Variants in CHD8 observed in about 807,000 individuals in gnomAD.
CHD8 encodes the protein chromodomain helicase DNA binding protein 8.
A neutral mutation model predicts 279.2 loss-of-function variants in CHD8; 31 were observed. The observed-to-expected ratio is 0.11, with a 90% confidence interval of 0.08 to 0.15. The LOEUF is 0.15. Ranked by LOEUF, CHD8 falls within the 10% of genes least tolerant of loss-of-function variation. The pLI, the probability that CHD8 is intolerant of heterozygous loss-of-function variation, is 1.00. For synonymous variants in CHD8, 1,081 were observed against 1,139.6 expected, an observed-to-expected ratio of 0.95 and a Z score of 1.04; for missense variants, 2,146 against 3,230.5, an observed-to-expected ratio of 0.66 and a Z score of 8.14.
intron 5 of CHD8, among the ~76,000 whole-genome samples, chr14:21,420,402 G>C (rs998380559): frequency 2.0e-5 from 3 of 152,208 alleles, no homozygotes; most frequent in African/African-American, 7.2e-5. Context: ...TCACCACAGG[G>C]CCAAAGGCGG....
rs372655172 is a variant in CHD8 at position 21,402,093 on chromosome 14, T to C, written c.3926A>G (p.Lys1309Arg). 1.1e-5 allele frequency: 18 copies of C among 1,611,204 alleles called. No individual in the cohort carries two copies. The African/African-American group carries it at 2.1e-4, about 19-fold the overall frequency. ...SKKEIEDLLR[K>R]GAYAAIMEED... is the part of the protein sequence containing the mutation. ...CTCCATGATGGCTGCATATGCTCCT[T>C]TTCTTAAAAGATCTTCAATCTCCTT... Residue 1309 changes from lysine to arginine, a missense_variant, in exon 20 of 38, where the codon AAA (lysine) becomes AGA (arginine). This residue lies in a region of CHD8 where 35 missense variants were observed against 82.4 expected (regional missense o/e 0.42). Transcript: ENST00000646647. The surrounding 1 kb of genome is among the most constrained non-coding windows in gnomAD (Gnocchi z 4.5).
chr14:21,434,063 GAGAC>G (rs1889673628), intron 1 of CHD8, among the ~76,000 whole-genome samples: 1 of 92,542 alleles, frequency 1.1e-5, no homozygotes, highest in Non-Finnish European at 2.1e-5. Context: ...TTTTTTTTCT[GAGAC>G]AGAGTTTCAC....
chr14:21,408,295 C>T lies in CHD8; in HGVS notation c.2730+17G>A. 1 of 1,607,092 alleles carries T rather than the reference C, an allele frequency of 6.2e-7. No homozygotes were observed. On this transcript the variant is annotated intron_variant, in intron 13 of 37. Transcript: ENST00000646647. This position sits in a 1 kb window ranked among gnomAD's most constrained non-coding sequence, Gnocchi z 4.3. The stretch of plus-strand genomic sequence containing the variant: ...GACTTTCTCTAACTCATAGTATTCC[C>T]AAGACATGCAACTCACCCGTGAATC...
chr14:21,425,466 G>A (rs1425242433), intron 5 of CHD8: 1 of 151,372 alleles, frequency 6.6e-6, no homozygotes, highest in Non-Finnish European at 1.5e-5. Flanking sequence ...CTGGGATTAC[G>A]GGTGCCTGCT....
intron 1 of CHD8, among the ~76,000 whole-genome samples, chr14:21,434,978 A>G (rs1415446557): frequency 1.1e-4 from 16 of 152,192 alleles, no homozygotes; most frequent in Admixed American, 1.0e-3. Context: ...CCCTAATAGC[A>G]AAAATGAACA....
At chr14:21,451,289 G>A (rs909503621) in intron 1 of CHD8, among the ~76,000 whole-genome samples, 2 of 152,058 alleles carry the variant, frequency 1.3e-5, no homozygotes, top group African/African-American at 4.8e-5. Context: ...GTAATTATCG[G>A]CTGGGTGCGG....
intron 1 of CHD8, among the ~76,000 whole-genome samples, chr14:21,438,091 G>C (rs60262326): frequency 0.11 from 16,345 of 152,042 alleles, 2,216 homozygotes; most frequent in African/African-American, 0.32. Context: ...GACAGAGTCT[G>C]ACTCTGTCGC....
At chr14:21,441,843 T>A (rs1046707219) in intron 1 of CHD8, among the ~76,000 whole-genome samples, 1 of 151,878 alleles carries the variant, frequency 6.6e-6, no homozygotes, top group African/African-American at 2.4e-5. Context: ...GAGCCAAGAT[T>A]GCGCCACTGC....
chr14:21,424,761 G>GCGCCTGGCCCAGCTCC (rs1286972075), intron 5 of CHD8, among the ~76,000 whole-genome samples: 2 of 152,100 alleles, frequency 1.3e-5, no homozygotes, highest in Admixed American at 6.6e-5. Flanking sequence ...GGGAGCTACC[G>GCGCCTGGCCCAGCTCC]CGCCTGGCCC....
At chr14:21,416,417 A>C (rs1007964339) in intron 5 of CHD8, 1 of 152,202 alleles carries the variant, frequency 6.6e-6, no homozygotes, top group Non-Finnish European at 1.5e-5. Flanking sequence ...CAAGTGGCTG[A>C]ATTAAACATT....
intron 4 of CHD8, chr14:21,427,617 C>G: frequency 6.9e-7 from 1 of 1,452,904 alleles, no homozygotes; most frequent in Non-Finnish European, 9.1e-7. Context: ...TTGCTCTTGC[C>G]CTTTGTTTTG....
At chr14:21,425,942 GAAGAAA>G (rs1202414454) in intron 5 of CHD8, 180 bp downstream of exon 5, 1 of 556,632 alleles carries the variant, frequency 1.8e-6, no homozygotes, top group African/African-American at 1.9e-5. Context: ...GTCTCAAGAA[GAAGAAA>G]ACAACAACAA....
intron 1 of CHD8, among the ~76,000 whole-genome samples, chr14:21,450,339 T>C (rs1428333769): frequency 4.6e-5 from 7 of 152,190 alleles, no homozygotes; most frequent in Non-Finnish European, 4.4e-5. Context: ...ATCACTAATA[T>C]GACAATGTAC....
In CHD8 at chr14:21,393,894, G is replaced by A; in HGVS notation, c.5901C>T (p.Asn1967=). The A allele has an allele frequency of 1.2e-6, 2 of 1,613,986 alleles. No homozygotes were observed. Among genetic ancestry groups the A allele is most frequent in the South Asian group, 1.1e-5 (1 of 91,084 alleles). The part of the protein sequence containing the change: ...FLAARMNYMQ[N]HQAGAPAPSL... ...ATGGAGCTGGTGCTCCTGCTTGATG[G>A]TTCTGCATATAATTCATACGGGCAG... Residue 1967 remains asparagine (N), a synonymous_variant, in exon 32 of 38, where the codon AAC becomes AAT. Coordinates refer to ENST00000646647, the MANE Select transcript of CHD8 (RefSeq NM_001170629.2).
Position 21,403,720 on chromosome 14 carries a change from G to T in CHD8, c.3308-57C>A. The stretch of plus-strand genomic sequence containing the variant: ...TCCAGTGAACCATATTAAGGTTGTA[G>T]TCTATTTAACTAAGAAAGCAAAAGG... On this transcript the variant is annotated intron_variant, in intron 16 of 37. Coordinates refer to ENST00000646647, the MANE Select transcript of CHD8 (RefSeq NM_001170629.2). This position sits in a 1 kb window ranked among gnomAD's most constrained non-coding sequence, Gnocchi z 4.3. 1 of 1,397,758 alleles carries T rather than the reference G, an allele frequency of 7.2e-7. No individual in the cohort carries two copies. 86.6% of individuals were successfully genotyped at this position (1,397,758 alleles called of 1,614,324 possible).
intron 5 of CHD8, among the ~76,000 whole-genome samples, chr14:21,423,051 G>A (rs1280038505): frequency 2.0e-5 from 3 of 151,436 alleles, no homozygotes; most frequent in Admixed American, 6.6e-5. Flanking sequence ...GCGAAACCCT[G>A]TCTACTAAAA....
At chr14:21,415,984 C>A in intron 5 of CHD8, 77 bp from the exon 6 acceptor site, 1 of 1,222,054 alleles carries the variant, frequency 8.2e-7, no homozygotes, top group South Asian at 1.4e-5. Flanking sequence ...TGCTCATGGT[C>A]ATATACTTAG....
rs1329792592 is a variant in CHD8 at position 21,395,135 on chromosome 14, T to G, written c.5183-16A>C. 6.2e-7 allele frequency: 1 copy of G among 1,609,034 alleles called. No individual in the cohort carries two copies. The highest frequency in any genetic ancestry group is 2.2e-5 in the East Asian group (1 of 44,772). ...GTCACCTGGGCTGTGGAAAACAAAG[T>G]AGAATGAATAGGAAGTATAGCAAGG... On this transcript the variant is annotated splice_polypyrimidine_tract_variant and intron_variant, in intron 29 of 37. Transcript: ENST00000646647.
chr14:21,437,639 CCT>C (rs1285027515), intron 1 of CHD8, among the ~76,000 whole-genome samples: 4 of 152,270 alleles, frequency 2.6e-5, no homozygotes, highest in Admixed American at 2.6e-4. Flanking sequence ...TTCTAGCAGC[CCT>C]GTCAACCCCT....
Sources: allele counts gnomAD v4.1 joint callset (sites outside exome capture counted in the v4.1 genomes callset), GRCh38; gene constraint gnomAD v4.1.1; regional missense constraint gnomAD v4.1.1; non-coding constraint Gnocchi (gnomAD v3.1); transcripts MANE v1.5; gene names NCBI Gene and HGNC (gene_info 2026-07-23, HGNC 2026-07-21).